Variants in ADD3 observed in about 807,000 individuals in gnomAD.
The protein encoded by ADD3 is adducin 3.
Under a neutral mutation model 80.2 loss-of-function variants are expected in ADD3, and 25 were observed. The ratio of observed to expected loss-of-function variants is 0.31; its 90% CI spans 0.23 to 0.44. The LOEUF (loss-of-function observed/expected upper bound fraction) is 0.44. ADD3 is among the 20% of genes least tolerant of loss of function. The pLI is 1.00. For synonymous variants in ADD3, 284 were observed against 289.6 expected (o/e 0.98, Z 0.20); for missense variants, 829 against 847.5 (o/e 0.98, Z 0.27).
chr10:110,028,360 A>C (rs1206771787), intron 1 of ADD3, among the ~76,000 whole-genome samples: 1 of 152,024 alleles, frequency 6.6e-6, no homozygotes, highest in Non-Finnish European at 1.5e-5. Context: ...GATCACCTGA[A>C]GTCAGGAGTT....
chr10:110,070,048 T>G (rs1169895387), intron 1 of ADD3, among the ~76,000 whole-genome samples: 1 of 152,234 alleles, frequency 6.6e-6, no homozygotes, highest in African/African-American at 2.4e-5. Context: ...ATTAAAAGTT[T>G]ATTAAAACAT....
chr10:110,109,286 T>C (rs1849724610), intron 2 of ADD3, among the ~76,000 whole-genome samples: 1 of 152,308 alleles, frequency 6.6e-6, no homozygotes, highest in Admixed American at 6.5e-5. Flanking sequence ...TCTTAATTCA[T>C]GTTGGCTGCC....
At chr10:110,029,873 T>A (rs1239902233) in intron 1 of ADD3, among the ~76,000 whole-genome samples, 1 of 152,218 alleles carries the variant, frequency 6.6e-6, no homozygotes, top group African/African-American at 2.4e-5. Flanking sequence ...ATATAAAGAA[T>A]TTTTAAAGTT....
chr10:110,005,368 A>G (rs918618190), upstream of ADD3, among the ~76,000 whole-genome samples: 3 of 152,130 alleles, frequency 2.0e-5, no homozygotes, highest in African/African-American at 7.2e-5. Context: ...CAATATTGTG[A>G]TTTTTTATAT....
rs755523593 is a variant in ADD3 at position 110,117,372 on chromosome 10, A to G, written c.517A>G (p.Ile173Val). Residue 173 changes from isoleucine (I) to valine (V), a missense_variant, in exon 5 of 15, where the codon ATA becomes GTA. Coordinates refer to ENST00000356080, the MANE Select transcript of ADD3 (RefSeq NM_016824.5). ...AATAAGTAAGGAGCAAGACCACATT[A>G]TAATAATTCCCAGAGGCCTATCTTT... is the stretch of plus-strand genomic sequence containing the variant. ...VRISKEQDHI[I>V]IIPRGLSFSE... 3.1e-6 allele frequency: 5 copies of G among 1,606,434 alleles called. No homozygotes were observed. The highest frequency in any genetic ancestry group is 4.3e-6 in the Non-Finnish European group (5 of 1,173,298).
upstream of ADD3, among the ~76,000 whole-genome samples, chr10:110,005,106 A>G (rs1048774695): frequency 1.3e-5 from 2 of 152,148 alleles, no homozygotes; most frequent in Non-Finnish European, 2.9e-5. Context: ...TCTGTCACCC[A>G]GGCTGGAGTG....
chr10:110,022,196 A>G (rs1364116260), intron 1 of ADD3, among the ~76,000 whole-genome samples: 2 of 152,184 alleles, frequency 1.3e-5, no homozygotes, highest in East Asian at 1.9e-4. Flanking sequence ...AGAAGCCTCT[A>G]TGATGATCCT....
intron 13 of ADD3, 42 bp from the exon 14 acceptor site, chr10:110,132,263 G>A: frequency 2.1e-6 from 3 of 1,436,984 alleles, no homozygotes; most frequent in Non-Finnish European, 2.0e-6. Flanking sequence ...ATGCTGCTTT[G>A]TTTTGTTTTG....
At chr10:110,110,380 C>T (rs892167830) in intron 2 of ADD3, among the ~76,000 whole-genome samples, 2 of 152,128 alleles carry the variant, frequency 1.3e-5, no homozygotes, top group Non-Finnish European at 2.9e-5. Context: ...ACTGTACTTC[C>T]CTGCCCCATG....
In ADD3 at chr10:110,133,531, T is replaced by C. The variant is rs1307115237; in HGVS notation, c.2034T>C (p.Pro678=). Residue 678 remains proline (P), a synonymous_variant, in exon 15 of 15, where the codon CCT becomes CCC. Coordinates refer to ENST00000356080, the MANE Select transcript of ADD3 (RefSeq NM_016824.5). ...IEEVLSPEGS[P]SKSPSKKKKK... Reference sequence around the variant, plus strand: ...AAGTCCTGTCACCTGAAGGCTCCCCTTCAAAATCGCCATCCAAGAAAAAGA... The same window carrying C: ...AAGTCCTGTCACCTGAAGGCTCCCCCTCAAAATCGCCATCCAAGAAAAAGA... 1.9e-6 allele frequency: 3 copies of C among 1,612,530 alleles called. No homozygotes were observed. Among genetic ancestry groups the C allele is most frequent in the Non-Finnish European group, 2.5e-6 (3 of 1,179,396 alleles).
At position 110,130,393 on chromosome 10, in the gene ADD3, C is replaced by A. The variant is rs148633520; in HGVS notation, c.1639C>A (p.Pro547Thr). The A allele has an allele frequency of 6.2e-7, 1 of 1,613,668 alleles. No homozygotes were observed. The highest frequency in any genetic ancestry group is 1.7e-5 in the Admixed American group (1 of 59,966). The change falls in exon 13 of 15, where the codon CCA becomes ACA. Residue 547 changes from proline (P) to threonine (T), a missense_variant. Transcript: ENST00000356080. ...GCAATTTGAAGATGATGATCATGGC[C>A]CACCAGCTCCTCCTAACCCATTTAG... ...TMQFEDDDHG[P>T]PAPPNPFSHL... is the part of the protein sequence containing the mutation.
At chr10:110,060,903 C>T (rs1172604560) in intron 1 of ADD3, among the ~76,000 whole-genome samples, 2 of 152,166 alleles carry the variant, frequency 1.3e-5, no homozygotes, top group African/African-American at 4.8e-5. Context: ...AGAAAGAGTA[C>T]TAGCCTGAAG....
At chr10:110,132,701 G>A (rs1853184832) in intron 14 of ADD3, 1 of 259,170 alleles carries the variant, frequency 3.9e-6, no homozygotes, top group Non-Finnish European at 7.5e-6. Context: ...GCTGAGGCAG[G>A]TGGATCACGA....
chr10:110,045,637 A>G (rs1003065473), intron 1 of ADD3, among the ~76,000 whole-genome samples: 1 of 152,222 alleles, frequency 6.6e-6, no homozygotes, highest in Non-Finnish European at 1.5e-5. Context: ...ATGAATGCAG[A>G]AAATATATGT....
chr10:110,086,268 G>C (rs1026168333), intron 1 of ADD3, among the ~76,000 whole-genome samples: 2 of 151,916 alleles, frequency 1.3e-5, no homozygotes, highest in African/African-American at 4.8e-5. Context: ...AAATTACCTG[G>C]GCATGGTGGC....
upstream of ADD3, among the ~76,000 whole-genome samples, chr10:110,004,059 G>T (rs761088467): frequency 6.6e-6 from 1 of 152,018 alleles, no homozygotes; most frequent in African/African-American, 2.4e-5. Context: ...TTCAATTTGC[G>T]GGGAGGGGAT....
chr10:110,086,636 C>T (rs1274217498), intron 1 of ADD3, among the ~76,000 whole-genome samples: 2 of 152,146 alleles, frequency 1.3e-5, no homozygotes, highest in African/African-American at 2.4e-5. Context: ...CTTCCTCCTT[C>T]GCTCGCTTGC....
intron 12 of ADD3, among the ~76,000 whole-genome samples, chr10:110,127,610 C>T (rs1355791328): frequency 2.0e-5 from 3 of 152,302 alleles, no homozygotes; most frequent in East Asian, 3.9e-4. Context: ...AGCGAGACTC[C>T]GTCTCAAAAA....
chr10:110,103,534 C>T (rs1849077005), intron 2 of ADD3, among the ~76,000 whole-genome samples: 1 of 152,316 alleles, frequency 6.6e-6, no homozygotes, highest in Middle Eastern at 3.4e-3. Context: ...GAGCAAGGAT[C>T]CAAGAGAGAG....
Sources: allele counts gnomAD v4.1 joint callset (sites outside exome capture counted in the v4.1 genomes callset), GRCh38; gene constraint gnomAD v4.1.1; transcripts MANE v1.5; gene names NCBI Gene and HGNC (gene_info 2026-07-23, HGNC 2026-07-21).